GAS2: variants seen among roughly 807,000 people sequenced by gnomAD.
GAS2 encodes growth arrest-specific protein 2.
In GAS2, 20 loss-of-function variants were observed where a neutral mutation model predicts 37.5. That is an observed-to-expected ratio of 0.53 (90% confidence interval 0.37 to 0.77). The LOEUF is 0.77. Ranked by LOEUF, GAS2 falls within the 30% of genes least tolerant of loss-of-function variation. The pLI, the probability that GAS2 is intolerant of heterozygous loss-of-function variation, is 0.00. For missense variants in GAS2, 336 were observed against 373.4 expected, an observed-to-expected ratio of 0.90 and a Z score of 0.82; for synonymous variants, 144 against 132.2, an observed-to-expected ratio of 1.09 and a Z score of -0.61.
chr11:22,746,187 C>G (rs1853391307), intron 5 of GAS2, among the ~76,000 whole-genome samples: 1 of 151,728 alleles, frequency 6.6e-6, no homozygotes, highest in Non-Finnish European at 1.5e-5. Context: ...GTCTCAAAAA[C>G]AAACAAACAA....
intron 4 of GAS2, among the ~76,000 whole-genome samples, chr11:22,731,046 C>A (rs944384212): frequency 6.6e-6 from 1 of 151,550 alleles, no homozygotes; most frequent in African/African-American, 2.4e-5. Flanking sequence ...GAAATTGATG[C>A]TTTTATGTCA....
chr11:22,749,556 A>G (rs1853615921), intron 6 of GAS2, among the ~76,000 whole-genome samples: 2 of 152,054 alleles, frequency 1.3e-5, no homozygotes, highest in African/African-American at 4.8e-5. Flanking sequence ...TTGTCACTGG[A>G]TCACCATTCC....
intron 1 of GAS2, among the ~76,000 whole-genome samples, chr11:22,628,515 A>T (rs1858694335): frequency 6.6e-6 from 1 of 152,230 alleles, no homozygotes; most frequent in South Asian, 2.1e-4. Flanking sequence ...GAAAAAGGCC[A>T]AATTTCAGCA....
chr11:22,733,953 T>G (rs1250085851), intron 4 of GAS2, among the ~76,000 whole-genome samples: 11 of 151,790 alleles, frequency 7.2e-5, no homozygotes, highest in Middle Eastern at 6.8e-3. Context: ...AATGATCAAG[T>G]GGGGAAAATG....
At chr11:22,792,887 A>G (rs1856239092) in intron 7 of GAS2, among the ~76,000 whole-genome samples, 1 of 152,232 alleles carries the variant, frequency 6.6e-6, no homozygotes, top group Non-Finnish European at 1.5e-5. Context: ...GGATCAGAAT[A>G]TTCAGTAAAG....
In GAS2 at chr11:22,784,551, T is replaced by TTAA. The variant is rs572143256; in HGVS notation, c.724-27246_724-27244dup. Among the ~76,000 whole-genome samples, 181 of 152,306 alleles carry TTAA rather than the reference T, an allele frequency of 1.2e-3. 1 individual carries two copies. The highest frequency in any genetic ancestry group is 4.1e-3 in the African/African-American group (171 of 41,576). ...TAACTGCCTTCCAGGTGATTATACG[T>TTAA]TAAGAGCCTGGCATATAATAGTCAT... On this transcript the variant is annotated intron_variant, in intron 7 of 7. Coordinates refer to ENST00000454584, the MANE Select transcript of GAS2 (RefSeq NM_001143830.3).
intron 7 of GAS2, among the ~76,000 whole-genome samples, chr11:22,757,775 T>G (rs1854129989): frequency 6.6e-6 from 1 of 152,172 alleles, no homozygotes; most frequent in East Asian, 1.9e-4. Context: ...CGAAACTATT[T>G]GTCAAAAAAG....
chr11:22,685,860 T>A lies in GAS2; in HGVS notation c.267+71T>A. 2.0e-6 allele frequency: 3 copies of A among 1,478,584 alleles called. No individual in the cohort carries two copies. The South Asian group carries it at 4.0e-5, about 20-fold the overall frequency. The allele number at this position is 1,478,584 out of a possible 1,614,324, so 91.6% of individuals were successfully genotyped here. A position where few individuals can be genotyped will look rare whatever the true frequency, so the allele number is the denominator to read the frequency against. Reference sequence around the variant, plus strand: ...TTTATAATTGCTTATAAATTGTGTGTAATTAAAAAATTTATTGTGAACGGA... The same window carrying A: ...TTTATAATTGCTTATAAATTGTGTGAAATTAAAAAATTTATTGTGAACGGA... On this transcript the variant is annotated intron_variant, in intron 3 of 7. Coordinates refer to ENST00000454584, the MANE Select transcript of GAS2 (RefSeq NM_001143830.3).
chr11:22,789,707 C>A (rs895431819), intron 7 of GAS2, among the ~76,000 whole-genome samples: 1 of 151,388 alleles, frequency 6.6e-6, no homozygotes, highest in African/African-American at 2.4e-5. Flanking sequence ...CCTCATGATC[C>A]GCCCGCCTTG....
At chr11:22,780,863 C>T (rs2134487662) in intron 7 of GAS2, among the ~76,000 whole-genome samples, 1 of 152,206 alleles carries the variant, frequency 6.6e-6, no homozygotes, top group African/African-American at 2.4e-5. Context: ...GATTTGGAAA[C>T]AGCTTAATCC....
At chr11:22,697,220 T>C (rs1016827291) in intron 3 of GAS2, among the ~76,000 whole-genome samples, 23 of 151,992 alleles carry the variant, frequency 1.5e-4, no homozygotes, top group Non-Finnish European at 2.6e-4. Context: ...CCATTGCTTG[T>C]TTTTCTCAGG....
chr11:22,715,460 C>CAAAAAAAAAAAAAAAAAAAAAAAAAAA (rs1192862614), intron 3 of GAS2, among the ~76,000 whole-genome samples: 1 of 41,752 alleles, frequency 2.4e-5, no homozygotes, highest in Non-Finnish European at 3.7e-5. Context: ...GACTCTGTCT[C>CAAAAAAAAAAAAAAAAAAAAAAAAAAA]AAAAAAAAAA....
intron 1 of GAS2, among the ~76,000 whole-genome samples, chr11:22,647,726 G>A (rs904553075): frequency 1.3e-5 from 2 of 152,076 alleles, no homozygotes; most frequent in Admixed American, 6.5e-5. Flanking sequence ...GTCTTCTTTT[G>A]AGAAGTGTCT....
At chr11:22,791,723 T>A (rs752946585) in intron 7 of GAS2, among the ~76,000 whole-genome samples, 53 of 152,108 alleles carry the variant, frequency 3.5e-4, no homozygotes, top group South Asian at 8.3e-4. Flanking sequence ...AGAATCAGAA[T>A]GAGTTACACT....
intron 3 of GAS2, among the ~76,000 whole-genome samples, chr11:22,693,969 C>T (rs542238799): frequency 1.3e-5 from 2 of 151,872 alleles, no homozygotes; most frequent in Non-Finnish European, 2.9e-5. Context: ...TGATGAGAAC[C>T]CATGGACACA....
chr11:22,806,518 A>T (rs1321699268), intron 7 of GAS2, among the ~76,000 whole-genome samples: 2 of 152,132 alleles, frequency 1.3e-5, no homozygotes, highest in Non-Finnish European at 2.9e-5. Context: ...TATTTTGAGG[A>T]ATCTTTATGC....
intron 7 of GAS2, among the ~76,000 whole-genome samples, chr11:22,781,723 C>T (rs1034670438): frequency 6.6e-6 from 1 of 151,988 alleles, no homozygotes; most frequent in Non-Finnish European, 1.5e-5. Flanking sequence ...CTCGGTGTAA[C>T]ACATTATAAG....
chr11:22,777,736 C>T (rs987920196), intron 7 of GAS2, among the ~76,000 whole-genome samples: 26 of 152,082 alleles, frequency 1.7e-4, no homozygotes, highest in African/African-American at 6.3e-4. Flanking sequence ...AGGTTGGGGG[C>T]AATTGTTGGA....
At chr11:22,769,319 A>C (rs1396155611) in intron 7 of GAS2, among the ~76,000 whole-genome samples, 1 of 152,212 alleles carries the variant, frequency 6.6e-6, no homozygotes, top group African/African-American at 2.4e-5. Context: ...GCAAGGAATA[A>C]CATGTCCAAC....
Sources: allele counts gnomAD v4.1 joint callset (sites outside exome capture counted in the v4.1 genomes callset), GRCh38; gene constraint gnomAD v4.1.1; transcripts MANE v1.5; gene names NCBI Gene and HGNC (gene_info 2026-07-23, HGNC 2026-07-21).